HHIP: variants seen among roughly 807,000 people sequenced by gnomAD.
HHIP encodes hedgehog interacting protein.
In HHIP, 12 loss-of-function variants were observed where a neutral mutation model predicts 74.0. That is an observed-to-expected ratio of 0.16 (90% CI 0.10 to 0.26). The LOEUF (loss-of-function observed/expected upper bound fraction) is 0.26, where lower values mean the gene tolerates loss of function less well. HHIP is among the 10% of genes least tolerant of loss of function. The probability of loss-of-function intolerance (pLI) is 1.00; values close to 1 mark genes in which losing one functional copy is unlikely to be tolerated. For missense variants in HHIP, 788 were observed against 845.0 expected (o/e 0.93, Z 0.84); for synonymous variants, 309 against 311.6 (o/e 0.99, Z 0.09).
At position 144,708,257 on chromosome 4, in the gene HHIP, A is replaced by C. The variant is rs756150873; in HGVS notation, c.1247A>C (p.Asn416Thr). The change falls in exon 7 of 13, where the codon AAC (asparagine) becomes ACC (threonine). Residue 416 changes from asparagine to threonine, a missense_variant. Physicochemically the swap from Asn to Thr is moderately conservative, Grantham distance 65 (BLOSUM62 0). Around this residue, in one of 3 missense-constraint regions of HHIP, gnomAD observed 343 missense variants for 347.9 expected, o/e 0.99. Coordinates refer to ENST00000296575, the MANE Select transcript of HHIP (RefSeq NM_022475.3). ...YSIPRSNPHF[N>T]STNQPPEVFA... ...ATACCAAGGAGCAACCCACACTTCA[A>C]CAGCACCAACCAGCCCCCCGAAGTG... The C allele has an allele frequency of 6.2e-7, 1 of 1,614,016 alleles. No individual in the cohort carries two copies. The highest frequency in any genetic ancestry group is 1.3e-5 in the African/African-American group (1 of 74,916).
intron 3 of HHIP, 111 bp from the exon 4 acceptor site, chr4:144,659,526 G>A: frequency 1.5e-6 from 1 of 662,018 alleles, no homozygotes; most frequent in Non-Finnish European, 2.4e-6. Context: ...GCACTTCATG[G>A]TTCTCAAAAC....
At chr4:144,731,247 T>G (rs959019613) in intron 11 of HHIP, among the ~76,000 whole-genome samples, 1 of 152,176 alleles carries the variant, frequency 6.6e-6, no homozygotes, top group Admixed American at 6.5e-5. Flanking sequence ...CATATTCTTA[T>G]TAATTTCATT....
chr4:144,649,984 T>A (rs1262224065), intron 1 of HHIP, among the ~76,000 whole-genome samples: 1 of 152,216 alleles, frequency 6.6e-6, no homozygotes, highest in Non-Finnish European at 1.5e-5. Flanking sequence ...AACAACCTTG[T>A]AGGCATATGA....
At chr4:144,682,108 G>T (rs1729363943) in intron 4 of HHIP, among the ~76,000 whole-genome samples, 1 of 152,206 alleles carries the variant, frequency 6.6e-6, no homozygotes, top group African/African-American at 2.4e-5. Flanking sequence ...GAACGTTCAT[G>T]TTTCTGAGTG....
At chr4:144,664,212 G>T (rs1050222422) in intron 4 of HHIP, among the ~76,000 whole-genome samples, 5 of 152,210 alleles carry the variant, frequency 3.3e-5, no homozygotes, top group African/African-American at 9.6e-5. Flanking sequence ...AACCAGGGGA[G>T]GAGAGGACGT....
At chr4:144,647,366 A>G (rs1728296106) in intron 1 of HHIP, 1 of 166,686 alleles carries the variant, frequency 6.0e-6, no homozygotes, top group African/African-American at 2.4e-5. Flanking sequence ...TGTTTTCTCC[A>G]CGTGCTCGGT....
At chr4:144,657,826 A>G (rs1009325991) in intron 2 of HHIP, among the ~76,000 whole-genome samples, 2 of 152,172 alleles carry the variant, frequency 1.3e-5, no homozygotes, top group South Asian at 2.1e-4. Context: ...TAATTTTTCT[A>G]TTACACATTA....
chr4:144,730,835 G>A (rs1026652904), intron 11 of HHIP, among the ~76,000 whole-genome samples: 1 of 152,176 alleles, frequency 6.6e-6, no homozygotes. Context: ...ATTACAAAGA[G>A]TTATTGGAGG....
At chr4:144,700,951 C>T (rs1403917621) in intron 4 of HHIP, among the ~76,000 whole-genome samples, 1 of 152,152 alleles carries the variant, frequency 6.6e-6, no homozygotes, top group Admixed American at 6.5e-5. Flanking sequence ...TAGTTCCAGT[C>T]TAAGAGAAAG....
rs1728267539 is a variant in HHIP, at chr4:144,646,643, C to T, written c.-33C>T. The T allele has an allele frequency of 4.4e-6, 7 of 1,598,482 alleles. No homozygotes were observed. Among genetic ancestry groups the T allele is most frequent in the African/African-American group, 1.3e-5 (1 of 74,598 alleles). The stretch of plus-strand genomic sequence containing the variant: ...GGGCAGTGGCGTTCCCCCCCATCCT[C>T]CCGCGCCCAGCCCCTGCTGCTCTGG... On this transcript the variant is annotated 5_prime_UTR_variant, in exon 1 of 13. Transcript: ENST00000296575.
intron 4 of HHIP, among the ~76,000 whole-genome samples, chr4:144,667,422 T>C (rs959104595): frequency 2.6e-5 from 4 of 152,182 alleles, no homozygotes; most frequent in Non-Finnish European, 4.4e-5. Flanking sequence ...AGTGTTAGCA[T>C]TCGCACCAAA....
chr4:144,691,101 C>A (rs1008591712), intron 4 of HHIP, among the ~76,000 whole-genome samples: 2 of 152,020 alleles, frequency 1.3e-5, no homozygotes, highest in Non-Finnish European at 2.9e-5. Context: ...GAGGGGCTCC[C>A]AGACAATCTT....
intron 4 of HHIP, among the ~76,000 whole-genome samples, chr4:144,688,751 C>A (rs1422193198): frequency 6.6e-6 from 1 of 152,128 alleles, no homozygotes; most frequent in East Asian, 1.9e-4. Flanking sequence ...ATGAGGAAAT[C>A]CATCATCTAA....
Position 144,738,107 on chromosome 4 carries a change from C to T in HHIP, c.*150C>T, listed in dbSNP as rs1156363248. On this transcript the variant is annotated 3_prime_UTR_variant, in exon 13 of 13. Coordinates refer to ENST00000296575, the MANE Select transcript of HHIP (RefSeq NM_022475.3). ...TAATTTCCAGAAATGTGCAGATCCT[C>T]TGTGTGTATGTCAGCATGTTTGTTC... is the stretch of plus-strand genomic sequence containing the variant. 3 of 1,336,830 alleles carry T rather than the reference C, an allele frequency of 2.2e-6. No individual in the cohort carries two copies. Among genetic ancestry groups the T allele is most frequent in the East Asian group, 2.7e-5 (1 of 36,714 alleles). The allele number at this position is 1,336,830 out of a possible 1,614,324, so 82.8% of individuals were successfully genotyped here.
At chr4:144,672,214 A>G (rs1393216631) in intron 4 of HHIP, among the ~76,000 whole-genome samples, 2 of 152,172 alleles carry the variant, frequency 1.3e-5, no homozygotes, top group Non-Finnish European at 2.9e-5. Context: ...AAACCCAGTC[A>G]GCATCTCCCA....
At chr4:144,648,809 G>C (rs770091250) in intron 1 of HHIP, 1 of 152,166 alleles carries the variant, frequency 6.6e-6, no homozygotes, top group African/African-American at 2.4e-5. Flanking sequence ...GCCCTTAAGA[G>C]AAGTTATATA....
Position 144,646,920 on chromosome 4 carries a change from G to C in HHIP, c.245G>C (p.Ser82Thr). 6.2e-7 allele frequency: 1 copy of C among 1,613,284 alleles called. No individual in the cohort carries two copies. The highest frequency in any genetic ancestry group is 1.3e-5 in the African/African-American group (1 of 75,032). The change falls in exon 1 of 13, where the codon AGT (serine) becomes ACT (threonine). Residue 82 changes from serine (S) to threonine (T), a missense_variant. Transcript: ENST00000296575. ...CCTCGGCTGTCCTGCTGCCTGCGGAGTGACAGCCCGGGGCTAGGGCGCCTG... is the reference window on the plus strand; with the variant it reads ...CCTCGGCTGTCCTGCTGCCTGCGGACTGACAGCCCGGGGCTAGGGCGCCTG... ...FYPRLSCCLRSDSPGLGRLEN... is the reference protein window; with the variant it reads ...FYPRLSCCLRTDSPGLGRLEN...
At chr4:144,652,473 C>G in intron 1 of HHIP, 132 bp from the exon 2 acceptor site, 1 of 625,484 alleles carries the variant, frequency 1.6e-6, no homozygotes, top group Non-Finnish European at 2.8e-6. Flanking sequence ...TATTGTGACA[C>G]AGTAATTCTT....
At chr4:144,665,676 C>T (rs1181927894) in intron 4 of HHIP, among the ~76,000 whole-genome samples, 1 of 152,112 alleles carries the variant, frequency 6.6e-6, no homozygotes, top group African/African-American at 2.4e-5. Context: ...ATTTGCTATT[C>T]TATTGATAAA....
Sources: gnomAD v4.1 joint callset for allele counts (sites outside exome capture counted in the v4.1 genomes callset) on GRCh38, gnomAD v4.1.1 for gene constraint, gnomAD v4.1.1 regional missense constraint, MANE v1.5 for transcripts, NCBI Gene and HGNC (gene_info 2026-07-23, HGNC 2026-07-21) for gene names.